Variants in SACS observed in about 807,000 individuals in gnomAD.
The protein encoded by SACS is sacsin molecular chaperone, also known as sacsin.
SACS carries 197 observed loss-of-function variants against 348.0 expected under a neutral mutation model. The ratio of observed to expected loss-of-function variants is 0.57; its 90% CI spans 0.50 to 0.64. The LOEUF (loss-of-function observed/expected upper bound fraction) is 0.64, where lower values mean the gene tolerates loss of function less well. SACS is among the 30% of genes least tolerant of loss of function. The pLI is 0.00. For synonymous variants in SACS, 1,985 were observed against 1,910.6 expected, an observed-to-expected ratio of 1.04 and a Z score of -1.02; for missense variants, 4,999 against 5,360.8, an observed-to-expected ratio of 0.93 and a Z score of 2.11.
chr13:23,412,141 C>CCTGG (rs1435580430), intron 1 of SACS, among the ~76,000 whole-genome samples: 13 of 152,206 alleles, frequency 8.5e-5, no homozygotes, highest in Non-Finnish European at 1.3e-4. Flanking sequence ...CGCCTGTAGT[C>CCTGG]CCAGCTACTT....
At chr13:23,381,983 A>G (rs889638136) in intron 2 of SACS, among the ~76,000 whole-genome samples, 1 of 152,190 alleles carries the variant, frequency 6.6e-6, no homozygotes, top group Non-Finnish European at 1.5e-5. Context: ...TTCTTTGCCT[A>G]TTATTAAAAG....
rs555018966 is a variant in SACS at position 23,341,025 on chromosome 13, G to C, written c.2851C>G (p.His951Asp). 1.9e-6 allele frequency: 3 copies of C among 1,614,098 alleles called. No individual in the cohort carries two copies. The highest frequency in any genetic ancestry group is 3.3e-5 in the Admixed American group (2 of 60,020). The change falls in exon 10 of 10, where the codon CAC (histidine) becomes GAC (aspartate). Residue 951 changes from histidine (H) to aspartate (D), a missense_variant. Physicochemically the swap from His to Asp is moderately conservative, Grantham distance 81 (BLOSUM62 -1). Around this residue, in one of 6 missense-constraint regions of SACS, gnomAD observed 3,156 missense variants for 3,380.1 expected, o/e 0.93. Coordinates refer to ENST00000382292, the MANE Select transcript of SACS (RefSeq NM_014363.6). ...YTKLKGCKVL[H>D]HTAKLPADLR... ...TCTGCTGGGAGTTTGGCAGTATGGT[G>C]TAAGACTTTACAACCTTTCAATTTT... is the stretch of plus-strand genomic sequence containing the variant.
In SACS at chr13:23,329,704, G is replaced by T; in HGVS notation, c.*432C>A. The T allele has an allele frequency of 2.0e-6, 1 of 509,460 alleles. No homozygotes were observed. The highest frequency in any genetic ancestry group is 3.8e-5 in the Admixed American group (1 of 26,382). The allele number at this position is 509,460 out of a possible 1,614,324, so 31.6% of individuals were successfully genotyped here. On this transcript the variant is annotated 3_prime_UTR_variant, in exon 10 of 10. Coordinates refer to ENST00000382292, the MANE Select transcript of SACS (RefSeq NM_014363.6). ...TCCAAGAGGATCCACTTAAAAAAATGACAGACTACAAAGACTTAATTCCCC... is the reference window on the plus strand; with the variant it reads ...TCCAAGAGGATCCACTTAAAAAAATTACAGACTACAAAGACTTAATTCCCC...
rs150346495 is a variant in SACS, at chr13:23,430,793, C to T, written c.-502+2822G>A. On this transcript the variant is annotated intron_variant, in intron 1 of 9. Coordinates refer to ENST00000382292, the MANE Select transcript of SACS (RefSeq NM_014363.6). ...AGATGACAAACTCATGGTGTAATCTCGAGCAGAATATTTAAAACAAATGTT... is the reference window on the plus strand; with the variant it reads ...AGATGACAAACTCATGGTGTAATCTTGAGCAGAATATTTAAAACAAATGTT... 1.4e-3 allele frequency among the ~76,000 whole-genome samples: 219 copies of T among 152,248 alleles called. 1 individual carries two copies. Among genetic ancestry groups the T allele is most frequent in the Non-Finnish European group, 2.5e-3 (172 of 68,032 alleles).
In SACS at chr13:23,375,256, T is replaced by C; in HGVS notation, c.34A>G (p.Thr12Ala). ...CAGCCCACGCAGCCGGGGAGCACGG[T>C]CACCGGGACCCACCTGTGGAAAGCA... is the stretch of plus-strand genomic sequence containing the variant. ...ETKENRWVPVTVLPGCVGCRT... is the reference protein window; with the variant it reads ...ETKENRWVPVAVLPGCVGCRT... Residue 12 changes from threonine to alanine, a missense_variant, in exon 3 of 10, where the codon ACC becomes GCC. By Grantham distance (58) the Thr-to-Ala change is moderately conservative (BLOSUM62 0). This residue lies in a region of SACS where 3,156 missense variants were observed against 3,380.1 expected (regional missense o/e 0.93). Transcript: ENST00000382292. The C allele has an allele frequency of 6.8e-7, 1 of 1,476,706 alleles. No individual in the cohort carries two copies. The highest frequency in any genetic ancestry group is 9.0e-7 in the Non-Finnish European group (1 of 1,110,770). The allele number at this position is 1,476,706 out of a possible 1,614,324, so 91.5% of individuals were successfully genotyped here.
At chr13:23,342,961 T>C (rs922740169) in intron 9 of SACS, among the ~76,000 whole-genome samples, 13 of 152,224 alleles carry the variant, frequency 8.5e-5, no homozygotes, top group Non-Finnish European at 1.0e-4. Context: ...ATACAGAGCA[T>C]ATTTACAACT....
intron 2 of SACS, among the ~76,000 whole-genome samples, chr13:23,380,366 A>C (rs1043840842): frequency 6.6e-6 from 1 of 152,046 alleles, no homozygotes; most frequent in Non-Finnish European, 1.5e-5. Flanking sequence ...TACCTCTTCC[A>C]AGTTTATCTG....
intron 2 of SACS, among the ~76,000 whole-genome samples, chr13:23,404,948 T>C (rs544358044): frequency 1.3e-5 from 2 of 152,250 alleles, no homozygotes; most frequent in South Asian, 2.1e-4. Flanking sequence ...CGCTCATGGA[T>C]AGGAAGAATC....
At chr13:23,342,588 T>G in intron 9 of SACS, among the ~76,000 whole-genome samples, 1 of 152,242 alleles carries the variant, frequency 6.6e-6, no homozygotes, top group East Asian at 1.9e-4. Flanking sequence ...GCATTTCTTT[T>G]GAGTGTCATG....
At chr13:23,374,092 C>T (rs1248808486) in intron 3 of SACS, 3 of 152,198 alleles carry the variant, frequency 2.0e-5, no homozygotes, top group Non-Finnish European at 4.4e-5. Context: ...CAGTAAAAAG[C>T]TGAACTCTTT....
At chr13:23,433,014 GC>G (rs1874497737) in intron 1 of SACS, among the ~76,000 whole-genome samples, 2 of 152,214 alleles carry the variant, frequency 1.3e-5, no homozygotes, top group African/African-American at 4.8e-5. Context: ...TCTAATGATC[GC>G]TTATTAGAAT....
At chr13:23,377,395 C>T (rs1054118386) in intron 2 of SACS, among the ~76,000 whole-genome samples, 3 of 152,258 alleles carry the variant, frequency 2.0e-5, no homozygotes, top group East Asian at 1.9e-4. Context: ...TGAAAAACCT[C>T]GGTTTTTCCG....
intron 2 of SACS, among the ~76,000 whole-genome samples, chr13:23,410,724 A>G (rs1393888510): frequency 6.6e-6 from 1 of 152,186 alleles, no homozygotes; most frequent in Admixed American, 6.5e-5. Context: ...TAAAATAAGC[A>G]TATATTCTTA....
intron 1 of SACS, among the ~76,000 whole-genome samples, chr13:23,424,678 C>T (rs919720256): frequency 5.9e-5 from 9 of 152,172 alleles, no homozygotes; most frequent in African/African-American, 1.9e-4. Context: ...AAGCAAGTTC[C>T]AAACACATGT....
chr13:23,404,829 A>G (rs551000256), intron 2 of SACS, among the ~76,000 whole-genome samples: 1 of 152,302 alleles, frequency 6.6e-6, no homozygotes, highest in East Asian at 1.9e-4. Context: ...AAAGAATAAA[A>G]TACCTAAGAA....
intron 9 of SACS, among the ~76,000 whole-genome samples, chr13:23,348,982 C>T (rs768437988): frequency 1.4e-4 from 22 of 152,146 alleles, no homozygotes; most frequent in South Asian, 2.1e-4. Flanking sequence ...CAGAAGAGGG[C>T]GCTTGCATGC....
At chr13:23,373,888 A>C (rs1871565950) in intron 3 of SACS, 1 of 152,624 alleles carries the variant, frequency 6.6e-6, no homozygotes, top group Admixed American at 6.6e-5. Context: ...GGCCAATGTC[A>C]ACATCAGGAG....
chr13:23,375,613 A>G (rs972574854), intron 2 of SACS: 3 of 976,674 alleles, frequency 3.1e-6, no homozygotes, highest in Non-Finnish European at 3.7e-6. Context: ...GGACACGCCC[A>G]CCCGCCGGGA....
chr13:23,390,390 T>A (rs1294613606), intron 2 of SACS, among the ~76,000 whole-genome samples: 3 of 152,210 alleles, frequency 2.0e-5, no homozygotes, highest in African/African-American at 7.2e-5. Flanking sequence ...CTGGGCACAA[T>A]GGCTCACACT....
Sources: gnomAD v4.1 joint callset for allele counts (sites outside exome capture counted in the v4.1 genomes callset) on GRCh38, gnomAD v4.1.1 for gene constraint, gnomAD v4.1.1 regional missense constraint, MANE v1.5 for transcripts, NCBI Gene and HGNC (gene_info 2026-07-23, HGNC 2026-07-21) for gene names.